AFMID: variants seen among roughly 807,000 people sequenced by gnomAD.
AFMID encodes kynurenine formamidase.
Under a neutral mutation model 47.5 loss-of-function variants are expected in AFMID, and 39 were observed. The ratio of observed to expected loss-of-function variants is 0.82; its 90% CI spans 0.64 to 1.07. The LOEUF is 1.07. Ranked by LOEUF, AFMID falls within the 50% of genes least tolerant of loss-of-function variation. The probability of loss-of-function intolerance (pLI) is 0.00; values close to 1 mark genes in which losing one functional copy is unlikely to be tolerated. For synonymous variants in AFMID, 130 were observed against 153.2 expected, an observed-to-expected ratio of 0.85 and a Z score of 1.12; for missense variants, 375 against 387.5, an observed-to-expected ratio of 0.97 and a Z score of 0.27.
chr17:78,194,758 A>G (rs7501631), intron 2 of AFMID, among the ~76,000 whole-genome samples: 71,805 of 151,944 alleles, frequency 0.47, 18,021 homozygotes, highest in East Asian at 0.69. Flanking sequence ...GCAATGGCGC[A>G]ATCTCGGCTC....
At chr17:78,198,410 C>T (rs1232363275) in intron 2 of AFMID, among the ~76,000 whole-genome samples, 1 of 151,356 alleles carries the variant, frequency 6.6e-6, no homozygotes, top group Non-Finnish European at 1.5e-5. Context: ...ACCAACCTGG[C>T]CAATATGGTG....
chr17:78,194,699 T>C (rs964792825), intron 2 of AFMID, among the ~76,000 whole-genome samples: 2 of 146,100 alleles, frequency 1.4e-5, no homozygotes, highest in African/African-American at 5.0e-5. Context: ...GTAAAAATAC[T>C]TTTTTTTTTT....
At chr17:78,195,525 G>A (rs543486079) in intron 2 of AFMID, among the ~76,000 whole-genome samples, 37 of 142,390 alleles carry the variant, frequency 2.6e-4, no homozygotes, top group Non-Finnish European at 3.8e-4. Flanking sequence ...TTTTTGGGGC[G>A]GAGTTTCACT....
chr17:78,187,602 C>A (rs558192561), intron 1 of AFMID, among the ~76,000 whole-genome samples, 169 bp downstream of exon 1: 1 of 151,972 alleles, frequency 6.6e-6, no homozygotes, highest in Non-Finnish European at 1.5e-5. Context: ...TGTATTTTAC[C>A]TTCTCCTAAG....
chr17:78,201,774 A>C (rs1259671740), intron 2 of AFMID, among the ~76,000 whole-genome samples: 3 of 151,628 alleles, frequency 2.0e-5, no homozygotes, highest in Non-Finnish European at 4.4e-5. Context: ...TCTGTCCCCC[A>C]GGCTAGAGTG....
In AFMID at chr17:78,202,703, C is replaced by A. The variant is rs1245696001; in HGVS notation, c.260C>A (p.Ala87Asp). The change falls in exon 4 of 11, where the codon GCC becomes GAC. Residue 87 changes from alanine to aspartate, a missense_variant and splice_region_variant. Coordinates refer to ENST00000409257, the MANE Select transcript of AFMID (RefSeq NM_001010982.5). The part of the protein sequence containing the change: ...DIYFPDESSE[A>D]LPFFLFFHGG... ...ACACGCCCTGTGCTTGGTTTTGCAG[C>A]CTTGCCTTTCTTCCTGTTCTTTCAC... 2.4e-5 allele frequency: 38 copies of A among 1,560,692 alleles called. No homozygotes were observed. Among genetic ancestry groups the A allele is most frequent in the Non-Finnish European group, 3.2e-5 (37 of 1,152,160 alleles).
At chr17:78,205,364 T>A (rs1312061706) in intron 7 of AFMID, 76 bp from the exon 8 acceptor site, 6 of 1,537,144 alleles carry the variant, frequency 3.9e-6, no homozygotes, top group East Asian at 2.2e-5. Context: ...GTCCTGCCCC[T>A]CTGGCGGTGG....
At chr17:78,194,449 A>AT (rs1328720160) in intron 2 of AFMID, among the ~76,000 whole-genome samples, 1 of 151,770 alleles carries the variant, frequency 6.6e-6, no homozygotes, top group Non-Finnish European at 1.5e-5. Flanking sequence ...ATTTTTTCTC[A>AT]TTTTTTATTT....
chr17:78,206,531 C>T (rs12452036), intron 10 of AFMID, among the ~76,000 whole-genome samples: 53,876 of 151,300 alleles, frequency 0.36, 9,953 homozygotes, highest in Admixed American at 0.43. Context: ...CCCAGCCTCT[C>T]GAGTAGCTGG....
chr17:78,205,411 G>A, intron 7 of AFMID, 29 bp from the exon 8 acceptor site: 1 of 1,612,368 alleles, frequency 6.2e-7, no homozygotes, highest in Non-Finnish European at 8.5e-7. Flanking sequence ...CCTGGAGCCT[G>A]GCCCTGTGAC....
rs1216633374 is a variant in AFMID at position 78,188,299 on chromosome 17, T to C, written c.63+866T>C. ...AGGTAATAACCTTTCCAGGTACAGA[T>C]TGGACAGATCCAAGGACCTCTGACA... On this transcript the variant is annotated intron_variant, in intron 1 of 10. Coordinates refer to ENST00000409257, the MANE Select transcript of AFMID (RefSeq NM_001010982.5). Among the ~76,000 whole-genome samples the C allele has an allele frequency of 2.6e-5, 4 of 152,302 alleles. No individual in the cohort carries two copies. The East Asian group carries it at 7.7e-4, about 29-fold the overall frequency.
rs2076130279 is a variant in AFMID, at chr17:78,196,950, C to T, written c.155-5549C>T. 3.9e-5 allele frequency among the ~76,000 whole-genome samples: 6 copies of T among 152,152 alleles called. No homozygotes were observed. In the South Asian group the frequency reaches 1.2e-3, roughly 31 times the overall value. ...TGAGTCACTTCATTCTCTGTCTCTGCACCCCAGCTGTCCTCTCCTAGAGAG... is the reference window on the plus strand; with the variant it reads ...TGAGTCACTTCATTCTCTGTCTCTGTACCCCAGCTGTCCTCTCCTAGAGAG... On this transcript the variant is annotated intron_variant, in intron 2 of 10. Transcript: ENST00000409257.
intron 2 of AFMID, among the ~76,000 whole-genome samples, chr17:78,193,784 T>C (rs11651094): frequency 0.078 from 11,826 of 151,986 alleles, 847 homozygotes; most frequent in African/African-American, 0.19. Flanking sequence ...GAGACCATCC[T>C]GGCTAACACG....
At chr17:78,205,045 G>A (rs574629731) in intron 6 of AFMID, 48 bp from the exon 7 acceptor site, 3 of 1,574,564 alleles carry the variant, frequency 1.9e-6, no homozygotes, top group East Asian at 4.6e-5. Flanking sequence ...GCCTGATGTT[G>A]TGGGGAAACT....
chr17:78,202,783 A>G (rs373845032), intron 4 of AFMID, 32 bp downstream of exon 4: 3 of 1,551,274 alleles, frequency 1.9e-6, no homozygotes, highest in South Asian at 2.4e-5. Context: ...GTGGACTGCA[A>G]GAGAGATTCC....
intron 2 of AFMID, among the ~76,000 whole-genome samples, chr17:78,192,486 G>T (rs887076892): frequency 6.7e-6 from 1 of 149,714 alleles, no homozygotes; most frequent in Non-Finnish European, 1.5e-5. Flanking sequence ...AGCTAATTTT[G>T]TATTTTTAGT....
intron 2 of AFMID, among the ~76,000 whole-genome samples, chr17:78,199,025 G>A (rs2076181757): frequency 6.6e-6 from 1 of 152,178 alleles, no homozygotes; most frequent in Non-Finnish European, 1.5e-5. Flanking sequence ...TCTTGGAGAT[G>A]TTTCCTCATC....
chr17:78,206,320 C>CA (rs937408333), intron 10 of AFMID, among the ~76,000 whole-genome samples: 6 of 62,130 alleles, frequency 9.7e-5, no homozygotes, highest in African/African-American at 5.1e-4. Flanking sequence ...GCCTGAGCGA[C>CA]AGAGTAAGAC....
intron 9 of AFMID, 82 bp from the exon 10 acceptor site, chr17:78,205,864 C>T: frequency 6.3e-7 from 1 of 1,593,728 alleles, no homozygotes; most frequent in Non-Finnish European, 8.6e-7. Flanking sequence ...TGAACCCTGA[C>T]CTGTGCCAGG....
Sources: gnomAD v4.1 joint callset for allele counts (sites outside exome capture counted in the v4.1 genomes callset) on GRCh38, gnomAD v4.1.1 for gene constraint, MANE v1.5 for transcripts, NCBI Gene and HGNC (gene_info 2026-07-23, HGNC 2026-07-21) for gene names.